Variants in CPA5 observed in about 807,000 individuals in gnomAD.
The protein encoded by CPA5 is carboxypeptidase A5.
CPA5 carries 38 observed loss-of-function variants against 52.2 expected under a neutral mutation model. The ratio of observed to expected loss-of-function variants is 0.73; its 90% CI spans 0.56 to 0.95. CPA5 has a LOEUF of 0.95. CPA5 is among the 40% of genes least tolerant of loss of function. The pLI is 0.00. For missense variants in CPA5, 519 were observed against 566.7 expected (o/e 0.92, Z 0.86); for synonymous variants, 198 against 213.7 (o/e 0.93, Z 0.64).
intron 4 of CPA5, among the ~76,000 whole-genome samples, chr7:130,348,154 G>T (rs1199327797): frequency 6.6e-6 from 1 of 152,138 alleles, no homozygotes; most frequent in Non-Finnish European, 1.5e-5. Flanking sequence ...CCACACGGGT[G>T]GGAGGGCACA....
chr7:130,368,536 C>G lies in CPA5; in HGVS notation c.1250C>G (p.Ala417Gly), dbSNP rs782527107. 1 of 1,614,062 alleles carries G rather than the reference C, an allele frequency of 6.2e-7. No individual in the cohort carries two copies. Among genetic ancestry groups the G allele is most frequent in the Non-Finnish European group, 8.5e-7 (1 of 1,180,018 alleles). ...CCGGCCACACAGATCATCCCCACGG[C>G]CCAGGAGACGTGGATGGCGCTTCGG... ...LLPATQIIPT[A>G]QETWMALRTI... Residue 417 changes from alanine (A) to glycine (G), a missense_variant, in exon 13 of 13, where the codon GCC becomes GGC. By Grantham distance (60) the Ala-to-Gly change is moderately conservative (BLOSUM62 0). Transcript: ENST00000474905.
intron 5 of CPA5, among the ~76,000 whole-genome samples, 164 bp from the exon 6 acceptor site, chr7:130,359,425 C>G (rs1554405971): frequency 1.3e-5 from 2 of 152,190 alleles, no homozygotes; most frequent in African/African-American, 4.8e-5. Flanking sequence ...GAAGAATCAG[C>G]CAGCAACCTG....
downstream of CPA5, chr7:130,368,877 A>G: frequency 4.4e-6 from 2 of 452,590 alleles, no homozygotes; most frequent in Non-Finnish European, 7.8e-6. Flanking sequence ...AAGGGGGTAG[A>G]GGCTGTAGCT....
At chr7:130,347,198 C>T (rs1794813123) in intron 3 of CPA5, among the ~76,000 whole-genome samples, 1 of 152,158 alleles carries the variant, frequency 6.6e-6, no homozygotes, top group South Asian at 2.1e-4. Flanking sequence ...GGTGTCGCAC[C>T]CCAGAGCCCA....
In CPA5 at chr7:130,347,230, G is replaced by T. The variant is rs537927147; in HGVS notation, c.117-536G>T. ...CCCACACCACAGGCCTCTTGGATAC[G>T]CAACCTCCACTCACCTCCATCGGGA... On this transcript the variant is annotated intron_variant, in intron 3 of 12. Transcript: ENST00000474905. Among the ~76,000 whole-genome samples the T allele has an allele frequency of 3.3e-5, 5 of 152,298 alleles. No homozygotes were observed. The East Asian group carries it at 9.7e-4, about 29-fold the overall frequency.
chr7:130,351,926 C>T (rs1795170500), intron 5 of CPA5, among the ~76,000 whole-genome samples: 2 of 152,102 alleles, frequency 1.3e-5, no homozygotes, highest in African/African-American at 4.8e-5. Context: ...ACCTTATTCA[C>T]ATGTGGGTCT....
chr7:130,364,797 C>T (rs1489905797), intron 10 of CPA5, among the ~76,000 whole-genome samples: 2 of 152,206 alleles, frequency 1.3e-5, no homozygotes, highest in Non-Finnish European at 1.5e-5. Flanking sequence ...TGATTATCTC[C>T]CTAACCATGC....
At chr7:130,363,345 G>C (rs1795897617) in intron 9 of CPA5, 74 bp from the exon 10 acceptor site, 1 of 1,304,406 alleles carries the variant, frequency 7.7e-7, no homozygotes. Flanking sequence ...TACCCCCATA[G>C]GCCAGGATAT....
At chr7:130,348,301 T>C (rs1453499800) in intron 4 of CPA5, among the ~76,000 whole-genome samples, 1 of 152,190 alleles carries the variant, frequency 6.6e-6, no homozygotes, top group African/African-American at 2.4e-5. Context: ...AGAACATTTG[T>C]CCTCTGCAGG....
chr7:130,372,749 G>T (rs1796306638), downstream of CPA5, among the ~76,000 whole-genome samples: 1 of 152,182 alleles, frequency 6.6e-6, no homozygotes, highest in East Asian at 1.9e-4. Context: ...ATGAAAATTG[G>T]AGTTCTGTGG....
chr7:130,373,816 G>A, the CPA5 span, among the ~76,000 whole-genome samples: 1 of 152,256 alleles, frequency 6.6e-6, no homozygotes, highest in Non-Finnish European at 1.5e-5. Context: ...CCAGCACAGA[G>A]TCAACAGCAG....
intron 11 of CPA5, 59 bp from the exon 12 acceptor site, chr7:130,367,847 G>A (rs1796183973): frequency 1.4e-6 from 2 of 1,403,072 alleles, no homozygotes; most frequent in Admixed American, 1.7e-5. Flanking sequence ...TGAGGGTGGG[G>A]GAGTGTGTGG....
At chr7:130,371,702 C>T (rs1183080533), downstream of CPA5, among the ~76,000 whole-genome samples, 6 of 152,246 alleles carry the variant, frequency 3.9e-5, no homozygotes, top group South Asian at 8.3e-4. Context: ...GGATTACAGG[C>T]ATGTGCCACC....
chr7:130,351,867 G>A (rs904593988), intron 5 of CPA5, among the ~76,000 whole-genome samples: 2 of 152,070 alleles, frequency 1.3e-5, no homozygotes, highest in East Asian at 1.9e-4. Context: ...GGCCCTCTGC[G>A]GTTGTCTGCT....
rs1554408680 is a variant in CPA5, at chr7:130,367,381, C to T, written c.848C>T (p.Ser283Phe). The change falls in exon 11 of 13, where the codon TCT becomes TTT. Residue 283 changes from serine (S) to phenylalanine (F), a missense_variant. Physicochemically the swap from Ser to Phe is radical, Grantham distance 155. Transcript: ENST00000474905. ...NWKSGFGGNGSNSNPCSETYH... is the reference protein window; with the variant it reads ...NWKSGFGGNGFNSNPCSETYH... Reference sequence around the variant, plus strand: ...TTTATTTTACTTCCAGGAAATGGTTCTAACAGCAACCCCTGCTCAGAAACT... The same window carrying T: ...TTTATTTTACTTCCAGGAAATGGTTTTAACAGCAACCCCTGCTCAGAAACT... 6.2e-7 allele frequency: 1 copy of T among 1,614,056 alleles called. No homozygotes were observed. The highest frequency in any genetic ancestry group is 2.2e-5 in the East Asian group (1 of 44,880).
rs1476469933 is a variant in CPA5, at chr7:130,359,103, CA to C, written c.334-485del. Among the ~76,000 whole-genome samples, 13 of 152,288 alleles carry C rather than the reference CA, an allele frequency of 8.5e-5. No individual in the cohort carries two copies. In the Middle Eastern group the frequency reaches 0.014, roughly 159 times the overall value. On this transcript the variant is annotated intron_variant, in intron 5 of 12. Transcript: ENST00000474905. ...GGTCAGAGGAACCCTCTGCTTCCCC[CA>C]GGGGGGTCAGTGCACATGGTTCACC... is the stretch of plus-strand genomic sequence containing the variant.
intron 10 of CPA5, among the ~76,000 whole-genome samples, chr7:130,365,978 A>G (rs1796060454): frequency 1.3e-5 from 2 of 152,164 alleles, no homozygotes; most frequent in Admixed American, 1.3e-4. Context: ...CAGGGTCCCC[A>G]TCCCAGGTGA....
At chr7:130,347,387 C>A (rs1453574442) in intron 3 of CPA5, among the ~76,000 whole-genome samples, 1 of 152,200 alleles carries the variant, frequency 6.6e-6, no homozygotes, top group Admixed American at 6.5e-5. Context: ...GTCCCCCCAG[C>A]CCCTGTGTCT....
At chr7:130,359,243 T>C (rs1795660013) in intron 5 of CPA5, among the ~76,000 whole-genome samples, 1 of 152,214 alleles carries the variant, frequency 6.6e-6, no homozygotes, top group African/African-American at 2.4e-5. Flanking sequence ...CATTTTATCC[T>C]ATGAGGTGGC....
Sources: allele counts gnomAD v4.1 joint callset (sites outside exome capture counted in the v4.1 genomes callset), GRCh38; gene constraint gnomAD v4.1.1; transcripts MANE v1.5; gene names NCBI Gene and HGNC (gene_info 2026-07-23, HGNC 2026-07-21).